Variants in COLEC11 observed in about 807,000 individuals in gnomAD.
COLEC11 encodes the protein collectin-11.
In COLEC11, 20 loss-of-function variants were observed where a neutral mutation model predicts 27.3. The observed-to-expected ratio is 0.73, with a 90% CI of 0.51 to 1.06. The LOEUF is 1.06. Ranked by LOEUF, COLEC11 falls within the 50% of genes least tolerant of loss-of-function variation. The pLI, the probability that COLEC11 is intolerant of heterozygous loss-of-function variation, is 0.00. For synonymous variants in COLEC11, 163 were observed against 154.7 expected, an observed-to-expected ratio of 1.05 and a Z score of -0.40; for missense variants, 310 against 383.0, an observed-to-expected ratio of 0.81 and a Z score of 1.59.
chr2:3,606,141 G>C (rs2147861274), intron 2 of COLEC11: 1 of 1,550,572 alleles, frequency 6.4e-7, no homozygotes, highest in Non-Finnish European at 8.7e-7. Flanking sequence ...GGTTGGAAAC[G>C]GTGGCTGTGG....
Position 3,637,557 on chromosome 2 carries a change from A to G in COLEC11, c.227A>G (p.Lys76Arg), listed in dbSNP as rs1303197648. Residue 76 changes from lysine (K) to arginine (R), a missense_variant, in exon 4 of 7, where the codon AAA becomes AGA. Transcript: ENST00000349077. ...GGAGACATGGGGGACAAAGGACAGA[A>G]AGGCAGTGTGGGTCGTCATGGAAAA... ...EKGDMGDKGQ[K>R]GSVGRHGKIG... 1.2e-6 allele frequency: 2 copies of G among 1,614,136 alleles called. No homozygotes were observed. The highest frequency in any genetic ancestry group is 3.3e-5 in the Admixed American group (2 of 60,022).
chr2:3,597,510 A>T (rs1572374369), intron 1 of COLEC11, among the ~76,000 whole-genome samples: 1 of 152,178 alleles, frequency 6.6e-6, no homozygotes, highest in Non-Finnish European at 1.5e-5. Flanking sequence ...CTCACTACTC[A>T]CCCCTTTTCT....
At chr2:3,613,226 C>A (rs1281122669) in intron 2 of COLEC11, 85 bp from the exon 3 acceptor site, 21 of 1,429,072 alleles carry the variant, frequency 1.5e-5, no homozygotes, top group Non-Finnish European at 2.0e-5. Flanking sequence ...GGGGAGAACG[C>A]TTCTAACTGT....
chr2:3,628,616 C>A (rs562281802), intron 3 of COLEC11, among the ~76,000 whole-genome samples: 1 of 152,264 alleles, frequency 6.6e-6, no homozygotes, highest in East Asian at 1.9e-4. Context: ...GAAAGTGAGA[C>A]CCCCCACCCC....
chr2:3,600,535 A>G (rs553162606), intron 1 of COLEC11, among the ~76,000 whole-genome samples: 47 of 152,346 alleles, frequency 3.1e-4, no homozygotes, highest in Non-Finnish European at 4.7e-4. Flanking sequence ...GTCCTGTCCC[A>G]AAACCAAACA....
chr2:3,605,240 G>A (rs540361265), intron 2 of COLEC11, among the ~76,000 whole-genome samples: 14 of 151,720 alleles, frequency 9.2e-5, no homozygotes, highest in African/African-American at 3.2e-4. Context: ...TGGCAGGGCC[G>A]GGGCTGCACC....
At position 3,615,667 on chromosome 2, in the gene COLEC11, G is replaced by A. The variant is rs1663619997; in HGVS notation, c.202+2285G>A. Among the ~76,000 whole-genome samples the A allele has an allele frequency of 6.6e-5, 10 of 152,326 alleles. No individual in the cohort carries two copies. The South Asian group carries it at 1.7e-3, about 25-fold the overall frequency. ...GAGCTGTGGGGTACACCTCCCAGAC[G>A]GGGTGGCGGCCGGGCAGAGGGGCTC... On this transcript the variant is annotated intron_variant, in intron 3 of 6. Coordinates refer to ENST00000349077, the MANE Select transcript of COLEC11 (RefSeq NM_024027.5).
In COLEC11 at chr2:3,602,717, G is replaced by GCTCCTGT. The variant is rs1558484955; in HGVS notation, c.-26-1589_-26-1583dup. Among the ~76,000 whole-genome samples the GCTCCTGT allele has an allele frequency of 6.6e-6, 1 of 152,182 alleles. No homozygotes were observed. Among genetic ancestry groups the GCTCCTGT allele is most frequent in the Non-Finnish European group, 1.5e-5 (1 of 68,028 alleles). Reference sequence around the variant, plus strand: ...CAACCCCCAAAGCTGCTGGGCGCCGGCTCCTGTCTCCTGTCCTCTGTGCCC... The same window carrying GCTCCTGT: ...CAACCCCCAAAGCTGCTGGGCGCCGGCTCCTGTCTCCTGTCTCCTGTCCTCTGTGCCC... On this transcript the variant is annotated intron_variant, in intron 1 of 6. Transcript: ENST00000349077. The surrounding 1 kb of genome is among the most constrained non-coding windows in gnomAD (Gnocchi z 6.2).
chr2:3,634,434 A>G (rs1309825412), intron 3 of COLEC11, among the ~76,000 whole-genome samples: 2 of 152,230 alleles, frequency 1.3e-5, no homozygotes, highest in East Asian at 3.9e-4. Context: ...CAGCTCCTCC[A>G]GCCATGAGAA....
chr2:3,628,632 C>T (rs973346218), intron 3 of COLEC11, among the ~76,000 whole-genome samples: 27 of 152,190 alleles, frequency 1.8e-4, no homozygotes, highest in African/African-American at 2.9e-4. Context: ...ACCCCCCATT[C>T]GAGGAGGTGG....
intron 3 of COLEC11, among the ~76,000 whole-genome samples, chr2:3,618,013 T>G (rs1663902091): frequency 1.3e-5 from 2 of 152,262 alleles, no homozygotes; most frequent in Non-Finnish European, 2.9e-5. Context: ...TCTATTCAGA[T>G]TCTTTGCCCA....
At chr2:3,641,800 T>C (rs1400865286) in intron 5 of COLEC11, among the ~76,000 whole-genome samples, 1 of 152,026 alleles carries the variant, frequency 6.6e-6, no homozygotes, top group East Asian at 1.9e-4. Flanking sequence ...GGGATTGAAC[T>C]TCTACAGGAT....
At chr2:3,601,656 G>T (rs1441201931) in intron 1 of COLEC11, among the ~76,000 whole-genome samples, 1 of 152,156 alleles carries the variant, frequency 6.6e-6, no homozygotes, top group Non-Finnish European at 1.5e-5. Context: ...GACGGCTTCA[G>T]CTTTAAGGTC....
chr2:3,598,151 G>C (rs546031093), intron 1 of COLEC11, among the ~76,000 whole-genome samples: 10 of 152,200 alleles, frequency 6.6e-5, no homozygotes, highest in African/African-American at 1.9e-4. Context: ...GGCCAGGCTG[G>C]TCTCGAACTC....
intron 4 of COLEC11, 36 bp from the exon 5 acceptor site, chr2:3,640,242 C>T (rs920980869): frequency 3.7e-6 from 5 of 1,362,734 alleles, no homozygotes; most frequent in Non-Finnish European, 5.3e-6. Flanking sequence ...ATGTCCATCT[C>T]TGCCTGGTGA....
chr2:3,599,717 G>A (rs1662085734), intron 1 of COLEC11, among the ~76,000 whole-genome samples: 1 of 152,188 alleles, frequency 6.6e-6, no homozygotes, highest in South Asian at 2.1e-4. Context: ...GAGGTCTCTG[G>A]GCAGTGCCAT....
rs201475656 is a variant in COLEC11 at position 3,643,424 on chromosome 2, C to T, written c.329-20C>T. 6.9e-5 allele frequency: 110 copies of T among 1,601,162 alleles called. No homozygotes were observed. The East Asian group carries it at 1.1e-3, about 16-fold the overall frequency. ...GAGTCCTCATCCAGCGTTTGTAACGCGTGGGCCTGGCCCCCGCAGGCCTCC... is the reference window on the plus strand; with the variant it reads ...GAGTCCTCATCCAGCGTTTGTAACGTGTGGGCCTGGCCCCCGCAGGCCTCC... On this transcript the variant is annotated intron_variant, in intron 5 of 6. Transcript: ENST00000349077.
chr2:3,641,550 C>A, intron 5 of COLEC11: 1 of 602,170 alleles, frequency 1.7e-6, no homozygotes, highest in Non-Finnish European at 2.4e-6. Context: ...ATCCACTTCC[C>A]CTGACAGGGA....
chr2:3,636,286 C>G (rs952775161), intron 3 of COLEC11, among the ~76,000 whole-genome samples: 1 of 152,222 alleles, frequency 6.6e-6, no homozygotes, highest in African/African-American at 2.4e-5. Context: ...GAAACCCCAT[C>G]TCTGCTAAAA....
Sources: gnomAD v4.1 joint callset for allele counts (sites outside exome capture counted in the v4.1 genomes callset) on GRCh38, gnomAD v4.1.1 for gene constraint, Gnocchi (gnomAD v3.1) non-coding constraint, MANE v1.5 for transcripts, NCBI Gene and HGNC (gene_info 2026-07-23, HGNC 2026-07-21) for gene names.